Variants in LOC112694756 observed in about 807,000 individuals in gnomAD.
At chr16:30,069,937 G>A in the LOC112694756 span, 22 of 1,613,930 alleles carry the variant, frequency 1.4e-5, no homozygotes, top group Admixed American at 2.2e-4. Context: ...CTTCTCCTAC[G>A]GCCGAGCCCT....
the LOC112694756 span, chr16:30,069,579 C>T: frequency 3.1e-6 from 5 of 1,614,076 alleles, no homozygotes; most frequent in Admixed American, 6.7e-5. Flanking sequence ...ACATGGTCAC[C>T]CCAGGCCATG....
At chr16:30,062,764 C>T in the LOC112694756 span, among the ~76,000 whole-genome samples, 1 of 151,758 alleles carries the variant, frequency 6.6e-6, no homozygotes, top group East Asian at 1.9e-4. Context: ...CCGCTTGAAT[C>T]CAGAGGTGGA....
At chr16:30,061,548 CTTTTTTTTTTTTTTTTTTT>C in the LOC112694756 span, among the ~76,000 whole-genome samples, 24 of 65,568 alleles carry the variant, frequency 3.7e-4, 1 homozygote, top group Admixed American at 3.2e-3. Context: ...CCTCCATTTC[CTTTTTTTTTTTTTTTTTTT>C]TTTTTTTTTT....
the LOC112694756 span, chr16:30,069,452 A>G: frequency 3.7e-5 from 60 of 1,613,700 alleles, no homozygotes; most frequent in Middle Eastern, 1.6e-4. Context: ...GCTAACCCCT[A>G]TCCTCTCCTC....
the LOC112694756 span, chr16:30,069,157 G>A: frequency 8.3e-6 from 11 of 1,326,544 alleles, no homozygotes; most frequent in Non-Finnish European, 9.6e-6. Flanking sequence ...GGGTGGATCT[G>A]AGGCGGCTCT....
At chr16:30,059,355 G>A in the LOC112694756 span, among the ~76,000 whole-genome samples, 1 of 151,680 alleles carries the variant, frequency 6.6e-6, no homozygotes, top group Non-Finnish European at 1.5e-5. Context: ...AAAATTAGCC[G>A]GGCGTGGTGG....
At chr16:30,056,816 G>A in the LOC112694756 span, among the ~76,000 whole-genome samples, 2 of 151,820 alleles carry the variant, frequency 1.3e-5, no homozygotes, top group African/African-American at 4.8e-5. Flanking sequence ...GCCCAGGCTG[G>A]TGTTGAACTC....
chr16:30,058,074 C>T, the LOC112694756 span, among the ~76,000 whole-genome samples: 3 of 152,168 alleles, frequency 2.0e-5, no homozygotes, highest in Non-Finnish European at 4.4e-5. Flanking sequence ...TCATCACCTC[C>T]TTGGGAGAGA....
At chr16:30,068,723 C>T in the LOC112694756 span, 7 of 1,614,118 alleles carry the variant, frequency 4.3e-6, no homozygotes, top group Middle Eastern at 3.3e-4. Context: ...TGATTCTCTG[C>T]CCTACGAACC....
the LOC112694756 span, chr16:30,067,025 CAG>C: frequency 1.9e-6 from 3 of 1,576,406 alleles, no homozygotes; most frequent in East Asian, 2.3e-5. Flanking sequence ...CAGCACCAGA[CAG>C]AGTTAGGAAA....
At chr16:30,067,912 C>T in the LOC112694756 span, 1 of 556,618 alleles carries the variant, frequency 1.8e-6, no homozygotes, top group Non-Finnish European at 3.2e-6. Context: ...GTGGCAGAGC[C>T]CCAGTCTGAC....
At chr16:30,067,044 G>A in the LOC112694756 span, 4 of 1,577,524 alleles carry the variant, frequency 2.5e-6, no homozygotes, top group Non-Finnish European at 3.4e-6. Context: ...GAAAGGTACA[G>A]GGGCAGGCCT....
chr16:30,068,605 T>A, the LOC112694756 span: 1 of 1,607,972 alleles, frequency 6.2e-7, no homozygotes, highest in Non-Finnish European at 8.5e-7. Flanking sequence ...GTGCTAGAGG[T>A]CATTTCCTGT....
At chr16:30,054,949 A>G in the LOC112694756 span, 5 of 398,942 alleles carry the variant, frequency 1.3e-5, no homozygotes, top group Non-Finnish European at 8.8e-6. Context: ...GGTCGGGGAT[A>G]AAGGGTGGGC....
At chr16:30,054,727 G>C in the LOC112694756 span, 1 of 399,374 alleles carries the variant, frequency 2.5e-6, no homozygotes, top group Non-Finnish European at 4.4e-6. Flanking sequence ...TGGTATTCCC[G>C]TGTTCCTGCA....
At chr16:30,068,733 C>T in the LOC112694756 span, 1 of 1,614,228 alleles carries the variant, frequency 6.2e-7, no homozygotes, top group Non-Finnish European at 8.5e-7. Context: ...CCCTACGAAC[C>T]CAACCAGAGC....
At chr16:30,062,663 G>A in the LOC112694756 span, among the ~76,000 whole-genome samples, 4 of 151,158 alleles carry the variant, frequency 2.6e-5, no homozygotes, top group Admixed American at 6.6e-5. Context: ...TCAACATAGC[G>A]AAACCCTGTC....
the LOC112694756 span, chr16:30,063,831 A>G: frequency 2.5e-6 from 1 of 399,172 alleles, no homozygotes; most frequent in Non-Finnish European, 4.4e-6. Flanking sequence ...CTTCGAGATC[A>G]AGCTCCGATG....
chr16:30,069,737 A>G, the LOC112694756 span: 10 of 1,611,518 alleles, frequency 6.2e-6, no homozygotes, highest in Non-Finnish European at 8.5e-6. Context: ...CCCTATGCCC[A>G]TTTGGACGGA....
Sources: allele counts gnomAD v4.1 joint callset (sites outside exome capture counted in the v4.1 genomes callset), GRCh38; gene constraint gnomAD v4.1.1; transcripts MANE v1.5.